RBFOX1: variants seen among roughly 807,000 people sequenced by gnomAD.
The protein encoded by RBFOX1 is RNA binding fox-1 homolog 1, also known as RNA binding protein fox-1 homolog 1.
A neutral mutation model predicts 57.7 loss-of-function variants in RBFOX1; 8 were observed. That is an observed-to-expected ratio of 0.14 (90% CI 0.08 to 0.25). The LOEUF (loss-of-function observed/expected upper bound fraction) is 0.25, where lower values mean the gene tolerates loss of function less well. Ranked by LOEUF, RBFOX1 falls within the 10% of genes least tolerant of loss-of-function variation. The pLI, the probability that RBFOX1 is intolerant of heterozygous loss-of-function variation, is 1.00. For missense variants in RBFOX1, 611 were observed against 548.5 expected (o/e 1.11, Z -1.14); for synonymous variants, 326 against 222.4 (o/e 1.47, Z -4.15).
At chr16:6,865,719 CAT>C (rs2059800094) in intron 3 of RBFOX1, among the ~76,000 whole-genome samples, 1 of 152,140 alleles carries the variant, frequency 6.6e-6, no homozygotes, top group African/African-American at 2.4e-5. Flanking sequence ...TTTTGCCTCT[CAT>C]TTGCTATTTT....
chr16:7,413,440 G>C (rs1166113438), intron 4 of RBFOX1, among the ~76,000 whole-genome samples: 2 of 152,004 alleles, frequency 1.3e-5, no homozygotes, highest in Non-Finnish European at 1.5e-5. Context: ...GTCTGGGATG[G>C]GGCCCAGAAA....
intron 2 of RBFOX1, among the ~76,000 whole-genome samples, chr16:5,543,593 G>T (rs2045058716): frequency 6.6e-6 from 1 of 151,768 alleles, no homozygotes; most frequent in South Asian, 2.1e-4. Flanking sequence ...CTAAAGGAAT[G>T]AGAGAGATGG....
chr16:7,414,504 AGT>A (rs1401111892), intron 4 of RBFOX1, among the ~76,000 whole-genome samples: 1 of 152,204 alleles, frequency 6.6e-6, no homozygotes, highest in Non-Finnish European at 1.5e-5. Flanking sequence ...AGTCATCTTG[AGT>A]GTTTTTCTTT....
At chr16:5,539,261 C>A (rs2044832625) in intron 2 of RBFOX1, among the ~76,000 whole-genome samples, 1 of 152,074 alleles carries the variant, frequency 6.6e-6, no homozygotes, top group Non-Finnish European at 1.5e-5. Context: ...GGAGAATCAC[C>A]TTGTGTCCCT....
At chr16:6,742,685 C>G (rs936645351) in intron 3 of RBFOX1, among the ~76,000 whole-genome samples, 3 of 152,112 alleles carry the variant, frequency 2.0e-5, no homozygotes, top group African/African-American at 4.8e-5. Flanking sequence ...ATACACAACA[C>G]CTGTGATGAA....
chr16:5,875,846 C>CTT (rs753084238), intron 4 of RBFOX1, among the ~76,000 whole-genome samples: 18,341 of 141,296 alleles, frequency 0.13, 1,509 homozygotes, highest in Non-Finnish European at 0.18. Context: ...AAGAATCCCA[C>CTT]TTTTTTTTTT....
intron 4 of RBFOX1, among the ~76,000 whole-genome samples, chr16:7,434,250 T>G (rs2098704693): frequency 6.6e-6 from 1 of 152,036 alleles, no homozygotes; most frequent in Admixed American, 6.5e-5. Context: ...GGCAGGCAGA[T>G]CACGACTTCA....
At chr16:6,781,631 T>A (rs1319340333) in intron 3 of RBFOX1, among the ~76,000 whole-genome samples, 1 of 152,176 alleles carries the variant, frequency 6.6e-6, no homozygotes, top group Non-Finnish European at 1.5e-5. Flanking sequence ...TGTTTACTAT[T>A]ATTTCATGTT....
At chr16:5,418,308 G>A (rs1467987886) in intron 1 of RBFOX1, among the ~76,000 whole-genome samples, 1 of 151,896 alleles carries the variant, frequency 6.6e-6, no homozygotes, top group Admixed American at 6.6e-5. Context: ...GGCAGCCTGA[G>A]CCCTGGCCCT....
chr16:6,203,277 A>T (rs2097228467), intron 1 of RBFOX1, among the ~76,000 whole-genome samples: 2 of 152,038 alleles, frequency 1.3e-5, no homozygotes, highest in Non-Finnish European at 2.9e-5. Context: ...CATGGCAACC[A>T]CGGTTGTACT....
At chr16:6,131,106 T>A (rs544290383) in intron 1 of RBFOX1, among the ~76,000 whole-genome samples, 1 of 152,210 alleles carries the variant, frequency 6.6e-6, no homozygotes, top group African/African-American at 2.4e-5. Flanking sequence ...AAAAACAAAT[T>A]TATGGTGAGA....
chr16:5,264,894 T>C (rs1212567469), intron 1 of RBFOX1, among the ~76,000 whole-genome samples: 1 of 152,288 alleles, frequency 6.6e-6, no homozygotes, highest in Admixed American at 6.5e-5. Context: ...TCCCTGCAGA[T>C]GTAGCATAAG....
At chr16:6,767,602 C>G (rs1034287983) in intron 3 of RBFOX1, among the ~76,000 whole-genome samples, 1 of 151,768 alleles carries the variant, frequency 6.6e-6, no homozygotes, top group South Asian at 2.1e-4. Flanking sequence ...CTTTCAAATC[C>G]CAAAGAACTC....
At chr16:7,200,774 G>A (rs973108657) in intron 4 of RBFOX1, among the ~76,000 whole-genome samples, 3 of 152,258 alleles carry the variant, frequency 2.0e-5, no homozygotes, top group African/African-American at 7.2e-5. Flanking sequence ...TGCATCCTGG[G>A]AAAAGCCTCT....
At chr16:7,084,707 C>A (rs377552115) in intron 4 of RBFOX1, among the ~76,000 whole-genome samples, 1 of 152,158 alleles carries the variant, frequency 6.6e-6, no homozygotes, top group Non-Finnish European at 1.5e-5. Context: ...GAGGTTTCTC[C>A]GTAATGTAGA....
chr16:6,803,638 A>G (rs1176865357), intron 3 of RBFOX1, among the ~76,000 whole-genome samples: 2 of 152,198 alleles, frequency 1.3e-5, no homozygotes. Context: ...GACTTTAGCA[A>G]AAGAATCTTT....
chr16:5,750,756 C>T (rs139631611), intron 3 of RBFOX1, among the ~76,000 whole-genome samples: 3,755 of 152,234 alleles, frequency 0.025, 140 homozygotes, highest in African/African-American at 0.085. Context: ...TTCCAGGTGC[C>T]GTCTGCCACA....
rs551331969 is a variant in RBFOX1, at chr16:6,367,951, T to C, written c.-64+50894T>C. On this transcript the variant is annotated intron_variant, in intron 2 of 15. Coordinates refer to ENST00000550418, the MANE Select transcript of RBFOX1 (RefSeq NM_018723.4). ...TTGCCCACAGAGTAGTTTAGGACAA[T>C]CCAATGTCAGTATGGCAGGTAGAAG... 1.5e-4 allele frequency among the ~76,000 whole-genome samples: 23 copies of C among 152,272 alleles called. 2 individuals carry two copies. The highest frequency in any genetic ancestry group is 1.4e-3 in the East Asian group (7 of 5,172).
intron 2 of RBFOX1, among the ~76,000 whole-genome samples, chr16:6,370,461 G>T (rs975296317): frequency 1.4e-5 from 2 of 147,964 alleles, no homozygotes; most frequent in South Asian, 2.1e-4. Context: ...AATCATTTTT[G>T]CAAGCTTAGT....
Sources: allele counts gnomAD v4.1 joint callset (sites outside exome capture counted in the v4.1 genomes callset), GRCh38; gene constraint gnomAD v4.1.1; transcripts MANE v1.5; gene names NCBI Gene and HGNC (gene_info 2026-07-23, HGNC 2026-07-21).